GIPC2: variants seen among roughly 807,000 people sequenced by gnomAD.
GIPC2 encodes PDZ domain-containing protein GIPC2.
In GIPC2, 30 loss-of-function variants were observed where a neutral mutation model predicts 30.6. The observed-to-expected ratio is 0.98, with a 90% CI of 0.73 to 1.33. GIPC2 has a LOEUF of 1.33. GIPC2 is among the 40% of genes most tolerant of loss of function. The pLI is 0.00. For synonymous variants in GIPC2, 167 were observed against 150.0 expected, an observed-to-expected ratio of 1.11 and a Z score of -0.83; for missense variants, 414 against 390.3, an observed-to-expected ratio of 1.06 and a Z score of -0.51.
rs1056440257 is a variant in GIPC2 at position 78,137,793 on chromosome 1, T to G, written c.*2050T>G. On this transcript the variant is annotated 3_prime_UTR_variant, in exon 6 of 6. Transcript: ENST00000370759. The stretch of plus-strand genomic sequence containing the variant: ...GTTTCTTTATGTCATTTTATTCCCA[T>G]ACCTAAAATTGCATCTATTTGTGAG... 5 of 152,192 alleles carry G rather than the reference T, an allele frequency of 3.3e-5. No homozygotes were observed. The highest frequency in any genetic ancestry group is 1.2e-4 in the African/African-American group (5 of 41,458). The allele number at this position is 152,192 out of a possible 1,614,324, so 9.4% of individuals were successfully genotyped here.
At chr1:78,084,285 A>G (rs1412817009) in intron 2 of GIPC2, among the ~76,000 whole-genome samples, 3 of 152,112 alleles carry the variant, frequency 2.0e-5, no homozygotes, top group African/African-American at 4.8e-5. Flanking sequence ...AGGCTGAGGT[A>G]GGTGGATAAC....
At chr1:78,117,753 C>A (rs1171952752) in intron 3 of GIPC2, among the ~76,000 whole-genome samples, 1 of 152,110 alleles carries the variant, frequency 6.6e-6, no homozygotes, top group Non-Finnish European at 1.5e-5. Flanking sequence ...GTCAAGGAAG[C>A]GCACGGTATT....
chr1:78,080,097 T>C (rs958426164), intron 1 of GIPC2, among the ~76,000 whole-genome samples: 1 of 152,186 alleles, frequency 6.6e-6, no homozygotes, highest in African/African-American at 2.4e-5. Context: ...ATTGCTTTTT[T>C]TCAGGCACTA....
rs557092843 is a variant in GIPC2 at position 78,097,087 on chromosome 1, C to T, written c.607+1955C>T. 3.9e-5 allele frequency among the ~76,000 whole-genome samples: 6 copies of T among 152,250 alleles called. No homozygotes were observed. In the South Asian group the frequency reaches 8.3e-4, roughly 21 times the overall value. On this transcript the variant is annotated intron_variant, in intron 3 of 5. Coordinates refer to ENST00000370759, the MANE Select transcript of GIPC2 (RefSeq NM_017655.6). Reference sequence around the variant, plus strand: ...TACTTTGTTTTTCATCCTTTGGCTTCGTCCCAGTGCTTAGCTCTTTGCCAG... The same window carrying T: ...TACTTTGTTTTTCATCCTTTGGCTTTGTCCCAGTGCTTAGCTCTTTGCCAG...
chr1:78,048,210 C>T (rs995873877), intron 1 of GIPC2, among the ~76,000 whole-genome samples: 9 of 152,084 alleles, frequency 5.9e-5, no homozygotes, highest in African/African-American at 2.2e-4. Flanking sequence ...TTTGCATTAA[C>T]ACTTCTCATC....
At chr1:78,095,703 T>C (rs1019104587) in intron 3 of GIPC2, among the ~76,000 whole-genome samples, 3 of 152,174 alleles carry the variant, frequency 2.0e-5, no homozygotes, top group African/African-American at 7.2e-5. Flanking sequence ...ATTCCAACTG[T>C]TGTTCAATCA....
At chr1:78,098,532 G>A (rs1662182157) in intron 3 of GIPC2, among the ~76,000 whole-genome samples, 1 of 151,968 alleles carries the variant, frequency 6.6e-6, no homozygotes, top group Admixed American at 6.6e-5. Context: ...TGTGTTTCAG[G>A]TACTCTGTGT....
intron 1 of GIPC2, among the ~76,000 whole-genome samples, chr1:78,078,205 A>C (rs1557534549): frequency 2.6e-5 from 4 of 151,642 alleles, no homozygotes; most frequent in South Asian, 2.1e-4. Flanking sequence ...AAAAAAAAAA[A>C]AAAAACCTAG....
At chr1:78,078,838 G>GA (rs570693127) in intron 1 of GIPC2, among the ~76,000 whole-genome samples, 19,921 of 106,622 alleles carry the variant, frequency 0.19, 1,611 homozygotes, top group South Asian at 0.28. Context: ...AGATTCACCG[G>GA]AAAAAAAAAA....
chr1:78,091,428 G>A (rs1456539220), intron 2 of GIPC2: 2 of 566,868 alleles, frequency 3.5e-6, no homozygotes, highest in Non-Finnish European at 6.4e-6. Flanking sequence ...GGCCGCAGGG[G>A]CGGAGCCAGG....
rs1177575576 is a variant in GIPC2, at chr1:78,135,965, A to G, written c.*222A>G. The stretch of plus-strand genomic sequence containing the variant: ...AGAGAAATGACCTAAATAAGGATCA[A>G]TTGTAATATTCATTCAAAAGGTTTT... On this transcript the variant is annotated 3_prime_UTR_variant, in exon 6 of 6. Coordinates refer to ENST00000370759, the MANE Select transcript of GIPC2 (RefSeq NM_017655.6). The G allele has an allele frequency of 7.8e-6, 3 of 384,336 alleles. No individual in the cohort carries two copies. Among genetic ancestry groups the G allele is most frequent in the East Asian group, 9.0e-5 (2 of 22,184 alleles). The allele number at this position is 384,336 out of a possible 1,614,324, so 23.8% of individuals were successfully genotyped here.
chr1:78,109,984 C>T (rs998740365), intron 3 of GIPC2, among the ~76,000 whole-genome samples: 3 of 149,174 alleles, frequency 2.0e-5, no homozygotes, highest in African/African-American at 7.4e-5. Flanking sequence ...GGGAATTGAA[C>T]AATGAGAACC....
At chr1:78,096,331 GGT>G (rs1351107280) in intron 3 of GIPC2, among the ~76,000 whole-genome samples, 5 of 152,100 alleles carry the variant, frequency 3.3e-5, no homozygotes, top group African/African-American at 1.2e-4. Context: ...CAGATAGCAT[GGT>G]GAAATAAATT....
At chr1:78,062,226 GGTT>G (rs1571479053) in intron 1 of GIPC2, among the ~76,000 whole-genome samples, 1 of 152,278 alleles carries the variant, frequency 6.6e-6, no homozygotes, top group East Asian at 1.9e-4. Flanking sequence ...ATGTAGTAGT[GGTT>G]GTATAATTGG....
In GIPC2 at chr1:78,087,967, A is replaced by C. The variant is rs1031668871; in HGVS notation, c.427-6985A>C. On this transcript the variant is annotated intron_variant, in intron 2 of 5. Transcript: ENST00000370759. Reference sequence around the variant, plus strand: ...GGACATGAACACTTTTCAAAAGCAGACACACATGTGGCCAACAATAATATT... The same window carrying C: ...GGACATGAACACTTTTCAAAAGCAGCCACACATGTGGCCAACAATAATATT... 3.9e-5 allele frequency among the ~76,000 whole-genome samples: 6 copies of C among 152,354 alleles called. No homozygotes were observed. In the East Asian group the frequency reaches 9.6e-4, roughly 24 times the overall value.
chr1:78,056,991 C>T (rs1661310177), intron 1 of GIPC2, among the ~76,000 whole-genome samples: 1 of 152,122 alleles, frequency 6.6e-6, no homozygotes, highest in Non-Finnish European at 1.5e-5. Flanking sequence ...TGATTGCATT[C>T]CTGTAGTCTA....
intron 1 of GIPC2, among the ~76,000 whole-genome samples, chr1:78,074,655 A>C (rs745934941): frequency 1.3e-5 from 2 of 152,006 alleles, no homozygotes; most frequent in Non-Finnish European, 2.9e-5. Context: ...TAGATCCAGA[A>C]CTCTTAACTC....
intron 2 of GIPC2, 199 bp from the exon 3 acceptor site, chr1:78,094,753 A>G (rs931718535): frequency 6.5e-6 from 3 of 458,258 alleles, no homozygotes; most frequent in Non-Finnish European, 1.2e-5. Context: ...ATGTCAATAC[A>G]TTGTATTTAA....
chr1:78,051,841 G>A (rs937819257), intron 1 of GIPC2, among the ~76,000 whole-genome samples: 15 of 152,154 alleles, frequency 9.9e-5, no homozygotes, highest in African/African-American at 3.6e-4. Context: ...CAAGCATGCT[G>A]TTATTTCTCT....
Sources: allele counts gnomAD v4.1 joint callset (sites outside exome capture counted in the v4.1 genomes callset), GRCh38; gene constraint gnomAD v4.1.1; transcripts MANE v1.5; gene names NCBI Gene and HGNC (gene_info 2026-07-23, HGNC 2026-07-21).